ZNF398: variants seen among roughly 807,000 people sequenced by gnomAD.
ZNF398 encodes the protein zinc finger protein 398.
In ZNF398, 18 loss-of-function variants were observed where a neutral mutation model predicts 41.9. The observed-to-expected ratio is 0.43, with a 90% CI of 0.30 to 0.64. ZNF398 has a LOEUF of 0.64. Ranked by LOEUF, ZNF398 falls within the 30% of genes least tolerant of loss-of-function variation. ZNF398 has a pLI of 0.14. For synonymous variants in ZNF398, 260 were observed against 308.8 expected (o/e 0.84, Z 1.66); for missense variants, 669 against 822.8 (o/e 0.81, Z 2.29).
At chr7:149,133,970 C>T (rs546704675) in intron 2 of ZNF398, among the ~76,000 whole-genome samples, 4 of 149,998 alleles carry the variant, frequency 2.7e-5, no homozygotes, top group East Asian at 3.9e-4. Context: ...AGGCTGATCT[C>T]GAACTCCTGA....
At chr7:149,149,718 C>T (rs1015777057) in intron 1 of ZNF398, among the ~76,000 whole-genome samples, 1 of 151,968 alleles carries the variant, frequency 6.6e-6, no homozygotes, top group Non-Finnish European at 1.5e-5. Flanking sequence ...TGGTGGCATG[C>T]ACTTGTACTC....
intron 1 of ZNF398, among the ~76,000 whole-genome samples, chr7:149,152,874 T>C (rs933137085): frequency 6.6e-6 from 1 of 151,250 alleles, no homozygotes; most frequent in Non-Finnish European, 1.5e-5. Context: ...TTTTTTTTTT[T>C]TTTGAGACAC....
chr7:149,127,340 A>G (rs1826502131), intron 1 of ZNF398, among the ~76,000 whole-genome samples: 1 of 151,622 alleles, frequency 6.6e-6, no homozygotes, highest in Admixed American at 6.6e-5. Context: ...GCACATCTGT[A>G]TTTGTCCCGG....
chr7:149,149,084 A>T (rs866291410), intron 1 of ZNF398, among the ~76,000 whole-genome samples: 2 of 151,554 alleles, frequency 1.3e-5, no homozygotes, highest in African/African-American at 2.4e-5. Context: ...CGGAAGAATC[A>T]CTTGAGTCCA....
At chr7:149,147,122 C>T (rs1259099201), upstream of ZNF398, 1 of 152,284 alleles carries the variant, frequency 6.6e-6, no homozygotes, top group Non-Finnish European at 1.5e-5. The surrounding 1 kb of genome is among the most constrained non-coding windows in gnomAD (Gnocchi z 5.6). Flanking sequence ...TTCCGCTGTT[C>T]TAAATACGGC....
rs557845416 is a variant in ZNF398, at chr7:149,156,793, G to A, written c.420+2453G>A. Among the ~76,000 whole-genome samples the A allele has an allele frequency of 4.0e-5, 6 of 151,550 alleles. No homozygotes were observed. The South Asian group carries it at 1.2e-3, about 31-fold the overall frequency. On this transcript the variant is annotated intron_variant, in intron 2 of 5. Coordinates refer to ENST00000475153, the MANE Select transcript of ZNF398 (RefSeq NM_170686.3). ...GGAGAATCGCTTGAACCCAGAAGGC[G>A]GAGATTGCGGTGAGGGGAGATTGTA...
At chr7:149,141,039 C>CAAAAAAAAAAAAAAAAAAAAA (rs60228279) in intron 2 of ZNF398, among the ~76,000 whole-genome samples, 1 of 120,162 alleles carries the variant, frequency 8.3e-6, no homozygotes, top group Non-Finnish European at 1.7e-5. Context: ...CAGCCTGTCT[C>CAAAAAAAAAAAAAAAAAAAAA]AAAAAAAAAA....
chr7:149,153,019 C>T (rs1005479362), intron 1 of ZNF398, among the ~76,000 whole-genome samples: 4 of 151,972 alleles, frequency 2.6e-5, no homozygotes, highest in East Asian at 1.9e-4. Flanking sequence ...CACCATCACC[C>T]GGCTAATTTT....
At chr7:149,155,334 C>T (rs1297354478) in intron 2 of ZNF398, among the ~76,000 whole-genome samples, 6 of 151,714 alleles carry the variant, frequency 4.0e-5, no homozygotes, top group Non-Finnish European at 5.9e-5. Flanking sequence ...GCAGGAGAAT[C>T]GCTTGAACCC....
At chr7:149,170,588 A>G (rs1032808842) in intron 4 of ZNF398, among the ~76,000 whole-genome samples, 1 of 152,068 alleles carries the variant, frequency 6.6e-6, no homozygotes, top group African/African-American at 2.4e-5. Flanking sequence ...CCAAAAAATT[A>G]GCCAGCCATG....
At chr7:149,139,020 C>T (rs530594001) in intron 2 of ZNF398, among the ~76,000 whole-genome samples, 2 of 151,812 alleles carry the variant, frequency 1.3e-5, no homozygotes, top group African/African-American at 4.8e-5. Flanking sequence ...CAGCAATTCT[C>T]CTGCCTCAGC....
At chr7:149,156,930 G>T (rs1260360311) in intron 2 of ZNF398, among the ~76,000 whole-genome samples, 2 of 151,808 alleles carry the variant, frequency 1.3e-5, no homozygotes, top group Non-Finnish European at 2.9e-5. Context: ...TATTCTAAGT[G>T]TTCTACTTAT....
At chr7:149,155,737 T>TA (rs1794962419) in intron 2 of ZNF398, among the ~76,000 whole-genome samples, 2 of 111,604 alleles carry the variant, frequency 1.8e-5, no homozygotes, top group African/African-American at 6.3e-5. Flanking sequence ...TTTAATTTTT[T>TA]TTTTTTTGAG....
chr7:149,171,015 T>TTG lies in ZNF398; in HGVS notation c.661+4086_661+4087insGT, dbSNP rs1426092558. The stretch of plus-strand genomic sequence containing the variant: ...CGTGCCACCACGCCCGGCTAATTTT[T>TTG]TTTTTTTTTTTTTTAGAAGAGATGG... On this transcript the variant is annotated intron_variant, in intron 4 of 5. Transcript: ENST00000475153. Among the ~76,000 whole-genome samples the TTG allele has an allele frequency of 2.9e-4, 43 of 147,450 alleles. 1 individual carries two copies. Among genetic ancestry groups the TTG allele is most frequent in the African/African-American group, 9.3e-4 (36 of 38,622 alleles).
intron 2 of ZNF398, among the ~76,000 whole-genome samples, chr7:149,154,868 A>G (rs1056976908): frequency 1.3e-5 from 2 of 151,876 alleles, no homozygotes; most frequent in African/African-American, 4.8e-5. Flanking sequence ...ACATGCCTAT[A>G]ATCCTAGCCA....
chr7:149,170,882 T>G (rs544859537), intron 4 of ZNF398, among the ~76,000 whole-genome samples: 25 of 152,074 alleles, frequency 1.6e-4, no homozygotes, highest in Non-Finnish European at 3.5e-4. Context: ...CACTGTATAC[T>G]TAGGCCACAC....
Position 149,137,403 on chromosome 7 carries a change from A to T in ZNF398, c.-490+8459A>T, listed in dbSNP as rs564968952. Among the ~76,000 whole-genome samples, 3 of 152,168 alleles carry T rather than the reference A, an allele frequency of 2.0e-5. No homozygotes were observed. The South Asian group carries it at 6.2e-4, about 32-fold the overall frequency. On this transcript the variant is annotated intron_variant, in intron 2 of 6. Transcript: ENST00000426851. ...GTTAACTGCATACTTTTCTTTTAAC[A>T]CAGAGTCTTGCTCTTTCCTGCAGGC...
intron 1 of ZNF398, among the ~76,000 whole-genome samples, chr7:149,152,374 C>A (rs1448683966): frequency 6.7e-6 from 1 of 150,090 alleles, no homozygotes; most frequent in Non-Finnish European, 1.5e-5. Flanking sequence ...CATTCTGCTG[C>A]CTCAGCCTCC....
At chr7:149,175,355 A>AT (rs1241227827) in intron 4 of ZNF398, among the ~76,000 whole-genome samples, 2 of 152,014 alleles carry the variant, frequency 1.3e-5, no homozygotes, top group Non-Finnish European at 2.9e-5. Flanking sequence ...AAAAAAAAAA[A>AT]ATAATAAAGC....
Sources: allele counts gnomAD v4.1 joint callset (sites outside exome capture counted in the v4.1 genomes callset), GRCh38; gene constraint gnomAD v4.1.1; non-coding constraint Gnocchi (gnomAD v3.1); transcripts MANE v1.5; gene names NCBI Gene and HGNC (gene_info 2026-07-23, HGNC 2026-07-21).